MARCHF1: variants seen among roughly 807,000 people sequenced by gnomAD.
MARCHF1 encodes the protein E3 ubiquitin-protein ligase MARCHF1.
Under a neutral mutation model 54.2 loss-of-function variants are expected in MARCHF1, and 40 were observed. That is an observed-to-expected ratio of 0.74 (90% CI 0.57 to 0.96). The LOEUF (loss-of-function observed/expected upper bound fraction) is 0.96. Among genes scored for constraint, MARCHF1 ranks in the 40% least tolerant of loss-of-function variants. The pLI, the probability that MARCHF1 is intolerant of heterozygous loss-of-function variation, is 0.00. For synonymous variants in MARCHF1, 236 were observed against 236.3 expected (o/e 1.00, Z 0.01); for missense variants, 586 against 656.5 (o/e 0.89, Z 1.17).
intron 4 of MARCHF1, among the ~76,000 whole-genome samples, chr4:163,844,558 A>G (rs536261167): frequency 3.9e-4 from 60 of 152,174 alleles, no homozygotes; most frequent in Non-Finnish European, 3.5e-4. Context: ...ACCAAACTGC[A>G]TATTTGTTGC....
intron 2 of MARCHF1, among the ~76,000 whole-genome samples, chr4:163,995,519 C>G (rs1480998469): frequency 6.6e-6 from 1 of 152,026 alleles, no homozygotes; most frequent in Non-Finnish European, 1.5e-5. Flanking sequence ...GAGTGACCAG[C>G]CTTCATCCTG....
chr4:163,631,060 C>A (rs1742059567), intron 5 of MARCHF1, among the ~76,000 whole-genome samples: 1 of 152,108 alleles, frequency 6.6e-6, no homozygotes, highest in Admixed American at 6.6e-5. Flanking sequence ...CATAGAATAT[C>A]AAATTATTTA....
At chr4:164,328,056 C>T (rs1735328234) in intron 1 of MARCHF1, among the ~76,000 whole-genome samples, 1 of 152,202 alleles carries the variant, frequency 6.6e-6, no homozygotes, top group Non-Finnish European at 1.5e-5. Flanking sequence ...CCTATACCCT[C>T]AGGGAGAGTA....
intron 9 of MARCHF1, among the ~76,000 whole-genome samples, chr4:163,540,806 G>A (rs1237696926): frequency 9.9e-5 from 15 of 152,188 alleles, no homozygotes; most frequent in Admixed American, 9.8e-4. Context: ...CAGATCGCTT[G>A]AGCCCAGGTG....
intron 3 of MARCHF1, among the ~76,000 whole-genome samples, chr4:163,957,551 T>C (rs1264730112): frequency 6.6e-6 from 1 of 151,958 alleles, no homozygotes. Context: ...GGAAGTGAGA[T>C]ATCAAATTGA....
intron 5 of MARCHF1, among the ~76,000 whole-genome samples, chr4:163,682,542 C>G (rs1182223492): frequency 6.6e-6 from 1 of 152,178 alleles, no homozygotes; most frequent in East Asian, 1.9e-4. Context: ...GCCCTGCATT[C>G]CAGCTGCTTA....
intron 5 of MARCHF1, among the ~76,000 whole-genome samples, chr4:163,688,759 T>C (rs563285009): frequency 6.6e-6 from 1 of 152,306 alleles, no homozygotes; most frequent in Non-Finnish European, 1.5e-5. Context: ...CTCTGAGTAC[T>C]GTCTTCTATG....
At chr4:164,125,404 C>T (rs1756158458) in intron 1 of MARCHF1, among the ~76,000 whole-genome samples, 2 of 152,172 alleles carry the variant, frequency 1.3e-5, no homozygotes, top group South Asian at 4.2e-4. Flanking sequence ...TTTAGAATAG[C>T]AATCAAGCAC....
In MARCHF1 at chr4:164,248,745, AT is replaced by A. The variant is rs944384954; in HGVS notation, c.-323+135124del. On this transcript the variant is annotated intron_variant, in intron 1 of 9. Coordinates refer to ENST00000514618, the MANE Select transcript of MARCHF1 (RefSeq NM_001394959.1). ...AATTAGGAAAACAATTGTTAAAAAA[AT>A]ATATATATTACTGGCAACATCTCAT... Among the ~76,000 whole-genome samples the A allele has an allele frequency of 3.3e-5, 5 of 151,160 alleles. No individual in the cohort carries two copies. In the East Asian group the frequency reaches 5.8e-4, roughly 17 times the overall value.
At chr4:164,255,342 A>G (rs1485295674) in intron 1 of MARCHF1, among the ~76,000 whole-genome samples, 1 of 151,356 alleles carries the variant, frequency 6.6e-6, no homozygotes, top group African/African-American at 2.4e-5. Context: ...TATAACTGCC[A>G]CACCAGTGAA....
chr4:163,676,846 T>C (rs935052285), intron 5 of MARCHF1, among the ~76,000 whole-genome samples: 2 of 151,960 alleles, frequency 1.3e-5, no homozygotes, highest in Non-Finnish European at 2.9e-5. Flanking sequence ...ATTAAGTTCA[T>C]ATATAATTAA....
chr4:164,122,613 G>A (rs527340614), intron 1 of MARCHF1, among the ~76,000 whole-genome samples: 69 of 151,906 alleles, frequency 4.5e-4, no homozygotes, highest in African/African-American at 1.6e-3. Flanking sequence ...AAAACCTGTC[G>A]CATCCACTGC....
At chr4:164,183,396 T>C (rs1261913874) in intron 1 of MARCHF1, among the ~76,000 whole-genome samples, 1 of 152,182 alleles carries the variant, frequency 6.6e-6, no homozygotes, top group Non-Finnish European at 1.5e-5. Context: ...TAATCTTTTG[T>C]TTGTGATAAG....
At chr4:164,141,802 A>C (rs1756542702) in intron 1 of MARCHF1, among the ~76,000 whole-genome samples, 1 of 152,204 alleles carries the variant, frequency 6.6e-6, no homozygotes, top group African/African-American at 2.4e-5. Flanking sequence ...AAAATTACAT[A>C]TGTTGGGGGG....
intron 5 of MARCHF1, among the ~76,000 whole-genome samples, chr4:163,653,582 G>T (rs1047922382): frequency 6.6e-6 from 1 of 151,658 alleles, no homozygotes; most frequent in Non-Finnish European, 1.5e-5. Flanking sequence ...TTGGATTTAG[G>T]ACATATGCTG....
intron 1 of MARCHF1, among the ~76,000 whole-genome samples, chr4:164,279,055 A>T (rs1733957684): frequency 6.6e-6 from 1 of 151,948 alleles, no homozygotes; most frequent in Non-Finnish European, 1.5e-5. Context: ...TATACATTTT[A>T]AATGATTAGT....
At chr4:163,852,641 C>T (rs146359888) in intron 4 of MARCHF1, among the ~76,000 whole-genome samples, 18 of 152,272 alleles carry the variant, frequency 1.2e-4, no homozygotes, top group Non-Finnish European at 2.6e-4. Flanking sequence ...TCTCTCCATA[C>T]CTTCAGCCCT....
At chr4:163,831,530 G>A (rs1333781856) in intron 4 of MARCHF1, among the ~76,000 whole-genome samples, 4 of 152,158 alleles carry the variant, frequency 2.6e-5, no homozygotes, top group African/African-American at 9.7e-5. Flanking sequence ...GTTGGTGGCT[G>A]CAGTGAACTT....
intron 9 of MARCHF1, among the ~76,000 whole-genome samples, chr4:163,535,753 C>CTTTTTTT (rs34118311): frequency 2.8e-5 from 4 of 144,162 alleles, no homozygotes. Context: ...TATAGAAGGG[C>CTTTTTTT]TTTTTTTTTT....
Sources: gnomAD v4.1 joint callset for allele counts (sites outside exome capture counted in the v4.1 genomes callset) on GRCh38, gnomAD v4.1.1 for gene constraint, MANE v1.5 for transcripts, NCBI Gene and HGNC (gene_info 2026-07-23, HGNC 2026-07-21) for gene names.